Variants in LGSN observed in about 807,000 individuals in gnomAD.
The protein encoded by LGSN is lengsin.
LGSN carries 21 observed loss-of-function variants against 19.5 expected under a neutral mutation model. The ratio of observed to expected loss-of-function variants is 1.07; its 90% CI spans 0.76 to 1.55. LGSN has a LOEUF of 1.55. LGSN is among the 40% of genes most tolerant of loss of function. The pLI is 0.00. For missense variants in LGSN, 673 were observed against 608.5 expected (o/e 1.11, Z -1.12); for synonymous variants, 257 against 215.6 (o/e 1.19, Z -1.68).
chr6:63,458,303 G>A, the LGSN span, among the ~76,000 whole-genome samples: 2 of 152,154 alleles, frequency 1.3e-5, no homozygotes, highest in African/African-American at 2.4e-5. Context: ...CCGACCTCAG[G>A]TGATCCACCC....
the LGSN span, among the ~76,000 whole-genome samples, chr6:63,409,061 C>T: frequency 3.3e-5 from 5 of 152,128 alleles, no homozygotes; most frequent in Admixed American, 2.0e-4. Flanking sequence ...TAGGTGCACA[C>T]CATCACGCCC....
the LGSN span, among the ~76,000 whole-genome samples, chr6:63,406,179 A>G: frequency 6.6e-6 from 1 of 152,222 alleles, no homozygotes; most frequent in Admixed American, 6.5e-5. Context: ...AAGCAGACCT[A>G]ACAGACATCT....
chr6:63,442,980 C>T, the LGSN span, among the ~76,000 whole-genome samples: 13 of 152,214 alleles, frequency 8.5e-5, no homozygotes, highest in African/African-American at 2.7e-4. Flanking sequence ...GCGATGGGAC[C>T]AGGCACTGTG....
the LGSN span, among the ~76,000 whole-genome samples, chr6:63,325,066 T>G: frequency 1.5e-5 from 2 of 136,810 alleles, no homozygotes; most frequent in Non-Finnish European, 1.5e-5. Flanking sequence ...ATCACACCAC[T>G]GCACTCCAGC....
At chr6:63,546,940 T>A in the LGSN span, among the ~76,000 whole-genome samples, 4 of 152,198 alleles carry the variant, frequency 2.6e-5, no homozygotes, top group Non-Finnish European at 4.4e-5. Flanking sequence ...CAGTACACCA[T>A]AAATATATTT....
At chr6:63,541,618 C>T in the LGSN span, among the ~76,000 whole-genome samples, 3 of 152,120 alleles carry the variant, frequency 2.0e-5, no homozygotes, top group African/African-American at 7.2e-5. Context: ...ATATTTCCAA[C>T]CTCTTTGCAT....
the LGSN span, among the ~76,000 whole-genome samples, chr6:63,530,889 A>G: frequency 2.0e-5 from 3 of 152,316 alleles, no homozygotes; most frequent in East Asian, 1.9e-4. Flanking sequence ...GCTATAAACT[A>G]TCAGAGATGT....
the LGSN span, among the ~76,000 whole-genome samples, chr6:63,546,975 C>T: frequency 3.3e-5 from 5 of 152,068 alleles, no homozygotes; most frequent in African/African-American, 9.7e-5. Context: ...ACTCTTTAAA[C>T]CTTAATAAAG....
At chr6:63,494,024 A>G in the LGSN span, among the ~76,000 whole-genome samples, 1 of 146,854 alleles carries the variant, frequency 6.8e-6, no homozygotes, top group South Asian at 2.1e-4. Flanking sequence ...ATCTTGGCTC[A>G]CTGCAACCTC....
chr6:63,356,067 C>T, the LGSN span, among the ~76,000 whole-genome samples: 18 of 152,218 alleles, frequency 1.2e-4, no homozygotes, highest in Admixed American at 2.0e-4. Flanking sequence ...CCAAATTTCC[C>T]CTTTTTATAA....
chr6:63,391,788 C>T, the LGSN span, among the ~76,000 whole-genome samples: 2 of 152,052 alleles, frequency 1.3e-5, no homozygotes, highest in African/African-American at 4.8e-5. Flanking sequence ...ATTGCTGGTC[C>T]AGAAAAGCAG....
chr6:63,364,307 T>G, the LGSN span, among the ~76,000 whole-genome samples: 2 of 150,406 alleles, frequency 1.3e-5, no homozygotes, highest in African/African-American at 4.9e-5. Flanking sequence ...TAAAACAGAC[T>G]GTAAACCAAC....
the LGSN span, among the ~76,000 whole-genome samples, chr6:63,349,875 A>G: frequency 6.6e-6 from 1 of 152,184 alleles, no homozygotes; most frequent in Non-Finnish European, 1.5e-5. Context: ...TTCTACGGAG[A>G]CTGGGAACAA....
chr6:63,351,147 T>C, the LGSN span, among the ~76,000 whole-genome samples: 6 of 152,252 alleles, frequency 3.9e-5, no homozygotes, highest in South Asian at 1.2e-3. Flanking sequence ...TTCCCATTTC[T>C]ACCATGTGAG....
chr6:63,344,885 G>A, the LGSN span, among the ~76,000 whole-genome samples: 1 of 152,084 alleles, frequency 6.6e-6, no homozygotes, highest in Non-Finnish European at 1.5e-5. Context: ...ACATAATACT[G>A]TAAACTTACA....
chr6:63,303,504 T>C (rs915228419), intron 1 of LGSN, among the ~76,000 whole-genome samples: 1 of 152,238 alleles, frequency 6.6e-6, no homozygotes, highest in African/African-American at 2.4e-5. Context: ...TCAAAGGTAC[T>C]GCAGACTGAT....
the LGSN span, among the ~76,000 whole-genome samples, chr6:63,404,494 T>C: frequency 3.3e-5 from 5 of 152,218 alleles, no homozygotes; most frequent in Admixed American, 3.3e-4. Flanking sequence ...TACACAACAG[T>C]TTATTACTCA....
At chr6:63,471,997 C>T in the LGSN span, among the ~76,000 whole-genome samples, 1 of 152,168 alleles carries the variant, frequency 6.6e-6, no homozygotes, top group Admixed American at 6.5e-5. Context: ...TCTGTTTTAT[C>T]CAGGATTATT....
chr6:63,457,061 C>T, the LGSN span, among the ~76,000 whole-genome samples: 3 of 152,240 alleles, frequency 2.0e-5, 1 homozygote, highest in Admixed American at 2.0e-4. Context: ...TGGAGCATTC[C>T]CCTCATTCTC....
Sources: allele counts gnomAD v4.1 joint callset (sites outside exome capture counted in the v4.1 genomes callset), GRCh38; gene constraint gnomAD v4.1.1; transcripts MANE v1.5; gene names NCBI Gene and HGNC (gene_info 2026-07-23, HGNC 2026-07-21).